Variants in NFIB observed in about 807,000 individuals in gnomAD.
The protein encoded by NFIB is nuclear factor 1 B-type.
In NFIB, 11 loss-of-function variants were observed where a neutral mutation model predicts 61.5. The observed-to-expected ratio is 0.18, with a 90% CI of 0.11 to 0.30. NFIB has a LOEUF of 0.30. NFIB is among the 10% of genes least tolerant of loss of function. NFIB has a pLI of 1.00. For missense variants in NFIB, 471 were observed against 608.9 expected, an observed-to-expected ratio of 0.77 and a Z score of 2.38; for synonymous variants, 260 against 216.5, an observed-to-expected ratio of 1.20 and a Z score of -1.76.
At chr9:14,332,397 T>C (rs1279855248) in intron 1 of NFIB, among the ~76,000 whole-genome samples, 1 of 149,348 alleles carries the variant, frequency 6.7e-6, no homozygotes, top group Non-Finnish European at 1.5e-5. Context: ...GAGAGATGGA[T>C]ATAAAGTAGA....
chr9:14,458,523 C>G, the NFIB span, among the ~76,000 whole-genome samples: 5 of 152,130 alleles, frequency 3.3e-5, no homozygotes, highest in Non-Finnish European at 7.3e-5. Flanking sequence ...CCAGGGCAAT[C>G]ATGCAGGAGA....
At chr9:14,207,409 ACT>A (rs146839827) in intron 2 of NFIB, among the ~76,000 whole-genome samples, 10,210 of 152,318 alleles carry the variant, frequency 0.067, 467 homozygotes, top group East Asian at 0.14. Context: ...AGTGGAGGCC[ACT>A]GACTGTGGGG....
intron 3 of NFIB, among the ~76,000 whole-genome samples, chr9:14,171,396 C>G (rs537313183): frequency 4.6e-5 from 7 of 152,326 alleles, no homozygotes; most frequent in Non-Finnish European, 8.8e-5. Flanking sequence ...TCTGACTCCA[C>G]TATGACTGCT....
chr9:14,298,496 G>T (rs1431333450), intron 2 of NFIB, among the ~76,000 whole-genome samples: 1 of 152,126 alleles, frequency 6.6e-6, no homozygotes, highest in Non-Finnish European at 1.5e-5. Flanking sequence ...AAGCAGAAAA[G>T]ATCTAAATCC....
chr9:14,502,524 CT>C, the NFIB span, among the ~76,000 whole-genome samples: 18 of 152,166 alleles, frequency 1.2e-4, no homozygotes. Context: ...CTGGATTCCA[CT>C]TGTCAAGAAA....
intron 6 of NFIB, among the ~76,000 whole-genome samples, chr9:14,143,936 A>G (rs546748026): frequency 1.3e-5 from 2 of 150,300 alleles, no homozygotes; most frequent in East Asian, 2.0e-4. Flanking sequence ...TCTTCCCACA[A>G]TGGCTTATTG....
chr9:14,167,792 T>C (rs1285922323), intron 3 of NFIB, among the ~76,000 whole-genome samples: 1 of 152,200 alleles, frequency 6.6e-6, no homozygotes, highest in Admixed American at 6.5e-5. Context: ...TAGAATGTTA[T>C]CTTACCAGGT....
chr9:14,259,254 G>A (rs1281863149), intron 2 of NFIB, among the ~76,000 whole-genome samples: 1 of 152,190 alleles, frequency 6.6e-6, no homozygotes, highest in Non-Finnish European at 1.5e-5. Flanking sequence ...AAAGTGAAGA[G>A]AAAGTGAAAA....
At chr9:14,163,781 T>C (rs2044463691) in intron 3 of NFIB, among the ~76,000 whole-genome samples, 1 of 152,046 alleles carries the variant, frequency 6.6e-6, no homozygotes, top group South Asian at 2.1e-4. Flanking sequence ...ATGGAACTTC[T>C]AAAAACATCG....
At chr9:14,240,119 A>G (rs534852969) in intron 2 of NFIB, among the ~76,000 whole-genome samples, 5 of 152,306 alleles carry the variant, frequency 3.3e-5, no homozygotes, top group Non-Finnish European at 7.4e-5. Flanking sequence ...ATTTCATTAA[A>G]TATATAAATT....
intron 6 of NFIB, among the ~76,000 whole-genome samples, chr9:14,142,377 T>C (rs993633531): frequency 1.3e-5 from 2 of 152,154 alleles, no homozygotes; most frequent in Non-Finnish European, 2.9e-5. Flanking sequence ...CCTTCCACCA[T>C]GACTGTGAAG....
intron 2 of NFIB, among the ~76,000 whole-genome samples, chr9:14,241,595 T>C (rs538649248): frequency 1.3e-5 from 2 of 152,092 alleles, no homozygotes; most frequent in Admixed American, 6.6e-5. Flanking sequence ...ACATATCTCA[T>C]AGTTGTTCCC....
Position 14,307,042 on chromosome 9 carries a change from G to T in NFIB, c.509C>A (p.Thr170Lys). 6.2e-7 allele frequency: 1 copy of T among 1,614,188 alleles called. No individual in the cohort carries two copies. ...PALCVQPHHI[T>K]VSVKELDLFL... Reference sequence around the variant, plus strand: ...CAAATCAAGCTCCTTAACTGATACTGTGATATGATGTGGCTGGACACAAAG... The same window carrying T: ...CAAATCAAGCTCCTTAACTGATACTTTGATATGATGTGGCTGGACACAAAG... Residue 170 changes from threonine to lysine, a missense_variant, in exon 2 of 11, where the codon ACA becomes AAA. This residue lies in a region of NFIB where 372 missense variants were observed against 395.6 expected (regional missense o/e 0.94). Coordinates refer to ENST00000380953, the MANE Select transcript of NFIB (RefSeq NM_001190737.2). The surrounding 1 kb of genome is among the most constrained non-coding windows in gnomAD (Gnocchi z 5.3).
intron 2 of NFIB, among the ~76,000 whole-genome samples, chr9:14,299,764 T>A (rs531828876): frequency 6.6e-6 from 1 of 152,368 alleles, no homozygotes; most frequent in South Asian, 2.1e-4. Flanking sequence ...GCTATCATCA[T>A]AAACAGAATA....
intron 2 of NFIB, among the ~76,000 whole-genome samples, chr9:14,252,661 T>C (rs1420068901): frequency 6.6e-6 from 1 of 151,848 alleles, no homozygotes; most frequent in Non-Finnish European, 1.5e-5. Flanking sequence ...AACTATCTGT[T>C]ACTACTGGAT....
At chr9:14,414,495 C>A in the NFIB span, among the ~76,000 whole-genome samples, 3 of 147,156 alleles carry the variant, frequency 2.0e-5, no homozygotes, top group Non-Finnish European at 3.0e-5. Flanking sequence ...GGCCAAAAGC[C>A]TTTCTCACGT....
chr9:14,120,717 G>A lies in NFIB; in HGVS notation c.1061-93C>T. On this transcript the variant is annotated intron_variant, in intron 7 of 10. Transcript: ENST00000380953. The surrounding 1 kb of genome is among the most constrained non-coding windows in gnomAD (Gnocchi z 4.4). ...AAGAATGCTGTGAAACTACAAAACT[G>A]GTAACCATTCATTTTTGTCCCCATG... 1.6e-6 allele frequency: 2 copies of A among 1,264,690 alleles called. No individual in the cohort carries two copies. Among genetic ancestry groups the A allele is most frequent in the Non-Finnish European group, 2.1e-6 (2 of 931,622 alleles). 78.3% of individuals were successfully genotyped at this position (1,264,690 alleles called of 1,614,324 possible).
exon 1 of NFIB, chr9:14,398,563 C>G (rs2061710905): frequency 6.5e-7 from 1 of 1,535,054 alleles, no homozygotes; most frequent in Admixed American, 2.0e-5. Flanking sequence ...TTTTAGGAAT[C>G]CCAGGGTTAC....
chr9:14,401,094 A>G (rs1004695002), upstream of NFIB, among the ~76,000 whole-genome samples: 3 of 152,228 alleles, frequency 2.0e-5, no homozygotes, highest in African/African-American at 7.2e-5. Context: ...GTAGTGGTTA[A>G]GTAGATGCTC....
Sources: allele counts gnomAD v4.1 joint callset (sites outside exome capture counted in the v4.1 genomes callset), GRCh38; gene constraint gnomAD v4.1.1; regional missense constraint gnomAD v4.1.1; non-coding constraint Gnocchi (gnomAD v3.1); transcripts MANE v1.5; gene names NCBI Gene and HGNC (gene_info 2026-07-23, HGNC 2026-07-21).